Variants in SETBP1 observed in about 807,000 individuals in gnomAD.
The protein encoded by SETBP1 is SET binding protein 1.
A neutral mutation model predicts 101.0 loss-of-function variants in SETBP1; 9 were observed. The ratio of observed to expected loss-of-function variants is 0.09; its 90% CI spans 0.05 to 0.16. The LOEUF is 0.16. Ranked by LOEUF, SETBP1 falls within the 10% of genes least tolerant of loss-of-function variation. The probability of loss-of-function intolerance (pLI) is 1.00; values close to 1 mark genes in which losing one functional copy is unlikely to be tolerated. For synonymous variants in SETBP1, 818 were observed against 788.5 expected (o/e 1.04, Z -0.63); for missense variants, 1,858 against 2,033.8 (o/e 0.91, Z 1.66).
intron 3 of SETBP1, among the ~76,000 whole-genome samples, chr18:44,894,520 T>C (rs545422857): frequency 6.6e-6 from 1 of 152,188 alleles, no homozygotes; most frequent in East Asian, 1.9e-4. Context: ...CAGATAAAAA[T>C]CATTATATAA....
At chr18:44,699,796 T>C (rs376541602) in intron 1 of SETBP1, among the ~76,000 whole-genome samples, 73 of 152,364 alleles carry the variant, frequency 4.8e-4, no homozygotes, top group African/African-American at 1.6e-3. Flanking sequence ...CGGGGCTGCC[T>C]TCCTGGCTGG....
chr18:44,791,972 TCA>T (rs2144733517), intron 2 of SETBP1, among the ~76,000 whole-genome samples: 1 of 152,266 alleles, frequency 6.6e-6, no homozygotes, highest in South Asian at 2.1e-4. Context: ...ACCATGCACT[TCA>T]GTCCTGGTTC....
At chr18:44,862,524 C>G (rs2069037625) in intron 2 of SETBP1, among the ~76,000 whole-genome samples, 1 of 152,202 alleles carries the variant, frequency 6.6e-6, no homozygotes, top group South Asian at 2.1e-4. Flanking sequence ...CTGCCACCCC[C>G]ACCCCAATGC....
chr18:44,949,758 C>T (rs768214159), intron 3 of SETBP1, 123 bp from the exon 4 acceptor site: 9 of 789,246 alleles, frequency 1.1e-5, no homozygotes, highest in African/African-American at 1.7e-5. Flanking sequence ...CTGTTCATTT[C>T]GGTATTCATT....
intron 4 of SETBP1, among the ~76,000 whole-genome samples, chr18:44,981,645 C>G (rs1338574502): frequency 1.3e-5 from 2 of 152,238 alleles, no homozygotes; most frequent in African/African-American, 4.8e-5. Context: ...CCTGAGACTA[C>G]TGGCTGCCTT....
intron 2 of SETBP1, among the ~76,000 whole-genome samples, chr18:44,814,079 A>G (rs1399966295): frequency 6.6e-6 from 1 of 152,128 alleles, no homozygotes; most frequent in Non-Finnish European, 1.5e-5. Context: ...ATAACCTGAG[A>G]ATGTGATCTA....
chr18:44,746,344 A>G (rs559931632), intron 2 of SETBP1, among the ~76,000 whole-genome samples: 4 of 152,380 alleles, frequency 2.6e-5, no homozygotes, highest in African/African-American at 9.6e-5. Flanking sequence ...AGCTTGGCAC[A>G]TAATAAGCAC....
chr18:44,979,159 G>A (rs1272158898), intron 4 of SETBP1, among the ~76,000 whole-genome samples: 1 of 152,340 alleles, frequency 6.6e-6, no homozygotes, highest in South Asian at 2.1e-4. Flanking sequence ...ACCATGAGAG[G>A]ACTTCTACGG....
intron 2 of SETBP1, among the ~76,000 whole-genome samples, chr18:44,764,721 C>T (rs146321954): frequency 0.012 from 1,878 of 152,292 alleles, 20 homozygotes; most frequent in Middle Eastern, 0.02. Flanking sequence ...ATCTGACTGC[C>T]TTGGCCTCCC....
At chr18:44,928,207 G>T (rs575673519) in intron 3 of SETBP1, among the ~76,000 whole-genome samples, 2 of 152,284 alleles carry the variant, frequency 1.3e-5, no homozygotes, top group East Asian at 3.9e-4. Flanking sequence ...GTGATAGTTT[G>T]CTCAGAATGA....
chr18:45,038,457 T>C, intron 4 of SETBP1, 28 bp from the exon 5 acceptor site: 5 of 1,611,888 alleles, frequency 3.1e-6, no homozygotes, highest in East Asian at 2.2e-5. Context: ...TTAAAGTGAC[T>C]GAAAGCTTTG....
At chr18:44,716,046 A>G (rs954646925) in intron 2 of SETBP1, among the ~76,000 whole-genome samples, 24 of 152,158 alleles carry the variant, frequency 1.6e-4, no homozygotes, top group African/African-American at 5.5e-4. Context: ...GCCCAGGAAA[A>G]AACCATCTGC....
At chr18:44,893,855 T>C (rs1460517280) in intron 3 of SETBP1, among the ~76,000 whole-genome samples, 1 of 152,130 alleles carries the variant, frequency 6.6e-6, no homozygotes, top group Admixed American at 6.5e-5. Context: ...CAGAATATGA[T>C]GAAAAGTGTA....
intron 3 of SETBP1, among the ~76,000 whole-genome samples, chr18:44,931,827 A>C (rs1300829989): frequency 6.6e-6 from 1 of 152,056 alleles, no homozygotes. Context: ...TTGAGCCTAT[A>C]TGTGTCTCTG....
intron 4 of SETBP1, among the ~76,000 whole-genome samples, chr18:45,013,610 T>TTGTATTTTTAGTAGAG (rs1487774114): frequency 3.3e-5 from 5 of 152,220 alleles, no homozygotes; most frequent in African/African-American, 1.2e-4. Context: ...CGACTAACTT[T>TTGTATTTTTAGTAGAG]TGTATTTTTA....
chr18:44,793,563 C>A (rs926428477), intron 2 of SETBP1, among the ~76,000 whole-genome samples: 2 of 152,172 alleles, frequency 1.3e-5, no homozygotes, highest in South Asian at 2.1e-4. Flanking sequence ...GGTGGGGACC[C>A]CCTGTGTGTT....
intron 5 of SETBP1, among the ~76,000 whole-genome samples, chr18:45,052,833 G>C (rs2073744316): frequency 6.6e-6 from 1 of 152,204 alleles, no homozygotes; most frequent in African/African-American, 2.4e-5. Context: ...CCCAGAGGTA[G>C]TTAAAAGGAC....
chr18:44,695,112 TG>T (rs1255175632), intron 1 of SETBP1, among the ~76,000 whole-genome samples: 2 of 151,806 alleles, frequency 1.3e-5, no homozygotes, highest in African/African-American at 4.8e-5. Context: ...GAGAACAGAT[TG>T]GGGTATGCTC....
intron 2 of SETBP1, among the ~76,000 whole-genome samples, chr18:44,799,215 T>C (rs982864736): frequency 2.0e-5 from 3 of 152,134 alleles, no homozygotes; most frequent in African/African-American, 7.2e-5. Flanking sequence ...TTCCCCATAA[T>C]AGCTTTAATA....
Sources: allele counts gnomAD v4.1 joint callset (sites outside exome capture counted in the v4.1 genomes callset), GRCh38; gene constraint gnomAD v4.1.1; transcripts MANE v1.5; gene names NCBI Gene and HGNC (gene_info 2026-07-23, HGNC 2026-07-21).